The following RAD51B variants were observed in gnomAD, a reference collection of about 807,000 sequenced individuals.
RAD51B encodes DNA repair protein RAD51 homolog 2.
Under a neutral mutation model 42.2 loss-of-function variants are expected in RAD51B, and 38 were observed. That is an observed-to-expected ratio of 0.90 (90% CI 0.70 to 1.18). The LOEUF is 1.18. RAD51B is among the 50% of genes most tolerant of loss of function. RAD51B has a pLI of 0.00. For synonymous variants in RAD51B, 154 were observed against 145.2 expected (o/e 1.06, Z -0.43); for missense variants, 373 against 400.7 (o/e 0.93, Z 0.59).
At chr14:68,342,689 G>A (rs941705610) in intron 8 of RAD51B, among the ~76,000 whole-genome samples, 16 of 151,574 alleles carry the variant, frequency 1.1e-4, no homozygotes, top group Non-Finnish European at 1.8e-4. Flanking sequence ...AAGTAGAAAG[G>A]CGCAGAAAGG....
intron 10 of RAD51B, among the ~76,000 whole-genome samples, chr14:68,583,507 G>A (rs557271196): frequency 4.6e-5 from 7 of 152,262 alleles, no homozygotes; most frequent in Non-Finnish European, 1.0e-4. Flanking sequence ...CTTGACAAAC[G>A]CACCTTCCTG....
intron 10 of RAD51B, among the ~76,000 whole-genome samples, chr14:68,569,184 G>T (rs779388005): frequency 2.6e-5 from 4 of 152,200 alleles, no homozygotes; most frequent in Non-Finnish European, 5.9e-5. Flanking sequence ...GTCCCTGCAG[G>T]GAGAGCTAAG....
intron 7 of RAD51B, among the ~76,000 whole-genome samples, chr14:67,985,102 T>A (rs1020287900): frequency 6.6e-6 from 1 of 152,178 alleles, no homozygotes; most frequent in African/African-American, 2.4e-5. Context: ...GTTAAAAAAA[T>A]TATTTTGAAA....
chr14:68,329,825 C>T (rs1414576506), intron 8 of RAD51B, among the ~76,000 whole-genome samples: 2 of 151,644 alleles, frequency 1.3e-5, no homozygotes, highest in African/African-American at 2.4e-5. Context: ...ACTAAAAGTA[C>T]GAAAAAATGG....
intron 10 of RAD51B, among the ~76,000 whole-genome samples, chr14:68,524,461 A>C (rs1886794341): frequency 6.6e-6 from 1 of 152,170 alleles, no homozygotes; most frequent in South Asian, 2.1e-4. Flanking sequence ...AGACCAAGAA[A>C]TAGAAGCACA....
intron 7 of RAD51B, among the ~76,000 whole-genome samples, chr14:68,176,430 G>A (rs965874992): frequency 7.2e-5 from 11 of 152,108 alleles, no homozygotes; most frequent in African/African-American, 2.7e-4. Flanking sequence ...CTCAAAATAA[G>A]ATAATACATT....
At chr14:67,879,801 T>G (rs1466788609) in intron 5 of RAD51B, among the ~76,000 whole-genome samples, 2 of 152,218 alleles carry the variant, frequency 1.3e-5, no homozygotes, top group Non-Finnish European at 2.9e-5. Context: ...TCTGGCCTTA[T>G]ACTGGTTATA....
intron 7 of RAD51B, among the ~76,000 whole-genome samples, chr14:68,029,143 C>G (rs1595283941): frequency 1.3e-5 from 2 of 152,218 alleles, no homozygotes; most frequent in East Asian, 3.8e-4. Context: ...AGCTTCCTGT[C>G]TCATCAGTCT....
chr14:68,203,077 A>T (rs1181774545), intron 7 of RAD51B, among the ~76,000 whole-genome samples: 1 of 151,934 alleles, frequency 6.6e-6, no homozygotes, highest in Non-Finnish European at 1.5e-5. Flanking sequence ...TGATATTTTG[A>T]CCTCCTCCCA....
chr14:68,622,992 C>T (rs1366831970), intron 10 of RAD51B, among the ~76,000 whole-genome samples: 2 of 152,122 alleles, frequency 1.3e-5, no homozygotes, highest in African/African-American at 2.4e-5. Flanking sequence ...GATCTGAAAG[C>T]GGAGACAGGT....
Position 67,865,032 on chromosome 14 carries a change from T to C in RAD51B, c.345T>C (p.Thr115=), listed in dbSNP as rs2042289843. The part of the protein sequence containing the change: ...EITGPPGCGK[T]QFCIMMSILA... The stretch of plus-strand genomic sequence containing the variant: ...CAGGTCCACCAGGTTGTGGAAAAAC[T>C]CAGTTTTGTATAATGATGAGCATTT... The change falls in exon 5 of 11, where the codon ACT becomes ACC. Residue 115 remains threonine, a synonymous_variant. Coordinates refer to ENST00000471583, the MANE Select transcript of RAD51B (RefSeq NM_133510.4). The C allele has an allele frequency of 3.1e-6, 4 of 1,284,576 alleles. No homozygotes were observed. Among genetic ancestry groups the C allele is most frequent in the East Asian group, 3.8e-5 (1 of 26,232 alleles). The allele number at this position is 1,284,576 out of a possible 1,614,324, so 79.6% of individuals were successfully genotyped here. A position where few individuals can be genotyped will look rare whatever the true frequency, so the allele number is the denominator to read the frequency against.
chr14:68,110,053 T>G (rs996996755), intron 7 of RAD51B, among the ~76,000 whole-genome samples: 1 of 151,966 alleles, frequency 6.6e-6, no homozygotes, highest in African/African-American at 2.4e-5. Context: ...AGGCCCAAAT[T>G]TCACTGAAGT....
chr14:68,514,176 C>T (rs1269231160), intron 10 of RAD51B, among the ~76,000 whole-genome samples: 1 of 152,256 alleles, frequency 6.6e-6, no homozygotes, highest in Middle Eastern at 3.4e-3. Flanking sequence ...TAAAAATTAC[C>T]GCGGAGCACA....
intron 10 of RAD51B, among the ~76,000 whole-genome samples, chr14:68,525,888 T>C (rs1886895717): frequency 6.6e-6 from 1 of 152,170 alleles, no homozygotes; most frequent in South Asian, 2.1e-4. Flanking sequence ...GTTTGAGAAG[T>C]TATCAACTGG....
At chr14:68,382,944 G>A (rs1045923242) in intron 8 of RAD51B, among the ~76,000 whole-genome samples, 2 of 152,060 alleles carry the variant, frequency 1.3e-5, no homozygotes, top group African/African-American at 4.8e-5. Context: ...TCAAACCACT[G>A]TTCTTCCTGA....
At chr14:68,534,830 G>A (rs1038518097) in intron 10 of RAD51B, among the ~76,000 whole-genome samples, 1 of 151,906 alleles carries the variant, frequency 6.6e-6, no homozygotes, top group Non-Finnish European at 1.5e-5. Flanking sequence ...CTAAAACAGT[G>A]CCTGGAACAT....
intron 4 of RAD51B, chr14:67,864,802 A>T: frequency 1.2e-6 from 1 of 832,010 alleles, no homozygotes; most frequent in Admixed American, 2.1e-5. Flanking sequence ...GTACATAACT[A>T]GTGCCAATTC....
chr14:68,597,859 C>G (rs1891067180), downstream of RAD51B, among the ~76,000 whole-genome samples: 1 of 150,476 alleles, frequency 6.6e-6, no homozygotes, highest in Non-Finnish European at 1.5e-5. Context: ...GAACTCTACT[C>G]TATCCTTGCC....
chr14:68,137,606 A>G (rs1436937069), intron 7 of RAD51B, among the ~76,000 whole-genome samples: 2 of 152,238 alleles, frequency 1.3e-5, no homozygotes, highest in African/African-American at 4.8e-5. Flanking sequence ...AAACAATATT[A>G]TGATGAACAT....
Sources: gnomAD v4.1 joint callset for allele counts (sites outside exome capture counted in the v4.1 genomes callset) on GRCh38, gnomAD v4.1.1 for gene constraint, MANE v1.5 for transcripts, NCBI Gene and HGNC (gene_info 2026-07-23, HGNC 2026-07-21) for gene names.